The following DNM1 variants were observed in gnomAD, a reference collection of about 807,000 sequenced individuals.
DNM1 encodes dynamin-1.
DNM1 carries 29 observed loss-of-function variants against 104.6 expected under a neutral mutation model. The ratio of observed to expected loss-of-function variants is 0.28; its 90% CI spans 0.21 to 0.38. The LOEUF (loss-of-function observed/expected upper bound fraction) is 0.38. DNM1 is among the 10% of genes least tolerant of loss of function. The pLI, the probability that DNM1 is intolerant of heterozygous loss-of-function variation, is 1.00. For synonymous variants in DNM1, 445 were observed against 475.8 expected (o/e 0.94, Z 0.84); for missense variants, 640 against 1,189.4 (o/e 0.54, Z 6.79).
At chr9:128,239,893 G>A in intron 13 of DNM1, 92 bp from the exon 14 acceptor site, 2 of 1,582,140 alleles carry the variant, frequency 1.3e-6, no homozygotes, top group South Asian at 1.1e-5. Flanking sequence ...GGACCTGTCA[G>A]CTGCCAGCCA....
At chr9:128,251,418 A>T in intron 21 of DNM1, 1 of 284,290 alleles carries the variant, frequency 3.5e-6, no homozygotes, top group Non-Finnish European at 7.1e-6. Flanking sequence ...CCCAGCCCTG[A>T]CTCCTTTGAG....
intron 15 of DNM1, 143 bp downstream of exon 15, chr9:128,242,488 G>A (rs1836430261): frequency 5.2e-6 from 3 of 575,718 alleles, no homozygotes; most frequent in African/African-American, 1.9e-5. Context: ...GGCTGGGTGT[G>A]GTGGCTCACA....
Position 128,218,189 on chromosome 9 carries a change from C to T in DNM1, c.162-42C>T, listed in dbSNP as rs1289560697. On this transcript the variant is annotated intron_variant, in intron 1 of 21. Coordinates refer to ENST00000372923, the MANE Select transcript of DNM1 (RefSeq NM_004408.4). The surrounding 1 kb of genome is among the most constrained non-coding windows in gnomAD (Gnocchi z 4.8). The stretch of plus-strand genomic sequence containing the variant: ...AGGTACCCCTGGGACAGAGGGCGCC[C>T]CCTCATATCTTGACCCTCCTTTGAC... 2.5e-6 allele frequency: 4 copies of T among 1,598,908 alleles called. No individual in the cohort carries two copies. The Admixed American group carries it at 6.7e-5, about 27-fold the overall frequency.
chr9:128,230,873 G>A (rs1161359799), intron 10 of DNM1, among the ~76,000 whole-genome samples: 1 of 152,112 alleles, frequency 6.6e-6, no homozygotes, highest in Non-Finnish European at 1.5e-5. Flanking sequence ...CACGATCTCG[G>A]CTCACTGCAA....
In DNM1 at chr9:128,245,987, C is replaced by A. The variant is rs182909156; in HGVS notation, c.1672-407C>A. Among the ~76,000 whole-genome samples, 2 of 152,224 alleles carry A rather than the reference C, an allele frequency of 1.3e-5. No individual in the cohort carries two copies. Among genetic ancestry groups the A allele is most frequent in the African/African-American group, 2.4e-5 (1 of 41,454 alleles). On this transcript the variant is annotated intron_variant, in intron 15 of 21. Transcript: ENST00000372923. The surrounding 1 kb of genome is among the most constrained non-coding windows in gnomAD (Gnocchi z 5.2). ...GGCTGAGCCGGCCCTTTGAAGCCGC[C>A]GGGTCTGGTGGCCCCCCTTCCTGGT...
intron 11 of DNM1, 84 bp downstream of exon 11, chr9:128,234,191 T>G: frequency 8.8e-7 from 1 of 1,141,944 alleles, no homozygotes; most frequent in Non-Finnish European, 1.2e-6. Flanking sequence ...CTGGGGTTGC[T>G]TCCTTCTTGT....
rs1399297380 is a variant in DNM1 at position 128,218,299 on chromosome 9, C to A, written c.230C>A (p.Thr77Asn). The change falls in exon 2 of 22, where the codon ACC (threonine) becomes AAC (asparagine). Residue 77 changes from threonine (T) to asparagine (N), a missense_variant. Transcript: ENST00000372923. This position sits in a 1 kb window ranked among gnomAD's most constrained non-coding sequence, Gnocchi z 4.8. ...CTGGTCTTGCAGCTGGTCAATGCAA[C>A]CACAGGTACGTGCCCTCCTTCACCA... is the stretch of plus-strand genomic sequence containing the variant. ...RPLVLQLVNA[T>N]TEYAEFLHCK... 6.2e-7 allele frequency: 1 copy of A among 1,614,010 alleles called. No homozygotes were observed. Among genetic ancestry groups the A allele is most frequent in the Non-Finnish European group, 8.5e-7 (1 of 1,180,002 alleles).
At chr9:128,226,012 C>G (rs748905981) in intron 10 of DNM1, 2 of 1,611,630 alleles carry the variant, frequency 1.2e-6, no homozygotes, top group Admixed American at 3.3e-5. Flanking sequence ...CTCCTCCTGT[C>G]CCCACCTCCT....
At chr9:128,225,161 G>A (rs970866157) in intron 10 of DNM1, among the ~76,000 whole-genome samples, 2 of 152,078 alleles carry the variant, frequency 1.3e-5, no homozygotes, top group African/African-American at 2.4e-5. Context: ...TTGAAGCCAC[G>A]GCTCTGGACT....
At position 128,218,132 on chromosome 9, in the gene DNM1, GGAA is replaced by G. The variant is rs1834723959; in HGVS notation, c.162-97_162-95del. 1 of 1,154,134 alleles carries G rather than the reference GGAA, an allele frequency of 8.7e-7. No homozygotes were observed. Among genetic ancestry groups the G allele is most frequent in the African/African-American group, 1.5e-5 (1 of 65,932 alleles). 71.5% of individuals were successfully genotyped at this position (1,154,134 alleles called of 1,614,324 possible). ...TAAGGAGCGGTGGAGCCAGCACTTTGGAAGGAGCTTTGGCTTTCCCAGGGGCCG... is the reference window on the plus strand; with the variant it reads ...TAAGGAGCGGTGGAGCCAGCACTTTGGGAGCTTTGGCTTTCCCAGGGGCCG... On this transcript the variant is annotated intron_variant, in intron 1 of 21. Coordinates refer to ENST00000372923, the MANE Select transcript of DNM1 (RefSeq NM_004408.4). The surrounding 1 kb of genome is among the most constrained non-coding windows in gnomAD (Gnocchi z 4.8).
chr9:128,225,513 T>G (rs904773266), intron 10 of DNM1, among the ~76,000 whole-genome samples: 2 of 152,120 alleles, frequency 1.3e-5, no homozygotes, highest in African/African-American at 4.8e-5. Context: ...AGATAGGGAA[T>G]GGTACTGAGG....
Position 128,246,444 on chromosome 9 carries a change from C to T in DNM1, c.1722C>T (p.Asp574=), listed in dbSNP as rs1404706727. Reference sequence around the variant, plus strand: ...CTGTGGACAACCTCAAGCTGCGGGACGTGGAGAAGGGCTTTATGTCGAGCA... The same window carrying T: ...CTGTGGACAACCTCAAGCTGCGGGATGTGGAGAAGGGCTTTATGTCGAGCA... The part of the protein sequence containing the change: ...MLSVDNLKLR[D]VEKGFMSSKH... The change falls in exon 16 of 22, where the codon GAC becomes GAT. Residue 574 remains aspartate, a synonymous_variant. Coordinates refer to ENST00000372923, the MANE Select transcript of DNM1 (RefSeq NM_004408.4). 1.1e-5 allele frequency: 17 copies of T among 1,613,978 alleles called. No homozygotes were observed. The highest frequency in any genetic ancestry group is 1.7e-5 in the Admixed American group (1 of 59,994).
chr9:128,229,991 G>A (rs1367882711), intron 10 of DNM1, among the ~76,000 whole-genome samples: 1 of 151,746 alleles, frequency 6.6e-6, no homozygotes, highest in Non-Finnish European at 1.5e-5. Context: ...AGGCTGAGGC[G>A]AGTGGATCAC....
At chr9:128,204,657 T>C (rs1056586257) in intron 1 of DNM1, among the ~76,000 whole-genome samples, 1 of 152,022 alleles carries the variant, frequency 6.6e-6, no homozygotes, top group African/African-American at 2.4e-5. Flanking sequence ...GCTCTCCAGG[T>C]ACTGGAGGTG....
At chr9:128,215,910 A>T (rs1181139227) in intron 1 of DNM1, among the ~76,000 whole-genome samples, 1 of 148,384 alleles carries the variant, frequency 6.7e-6, no homozygotes, top group East Asian at 2.0e-4. Flanking sequence ...CCCAGCTTCT[A>T]TGAGAACAGC....
chr9:128,226,136 G>A (rs1333989754), intron 10 of DNM1: 4 of 1,612,782 alleles, frequency 2.5e-6, no homozygotes, highest in Non-Finnish European at 3.4e-6. Context: ...ATGGTAGTCA[G>A]TGAGCTCACA....
At chr9:128,216,786 G>C (rs1834632809) in intron 1 of DNM1, among the ~76,000 whole-genome samples, 1 of 152,178 alleles carries the variant, frequency 6.6e-6, no homozygotes, top group Non-Finnish European at 1.5e-5. Context: ...TCTGGGCTGG[G>C]AGCAAGAGAC....
chr9:128,224,417 A>C lies in DNM1; in HGVS notation c.1335+28A>C, dbSNP rs117066897. ...AACCCGGAGGCCCGGGCCAGCCCCC[A>C]CCGCCTCTGCCCCGCCCTGCACTGC... On this transcript the variant is annotated intron_variant, in intron 10 of 21. Transcript: ENST00000372923. This position sits in a 1 kb window ranked among gnomAD's most constrained non-coding sequence, Gnocchi z 4.3. 1 of 1,596,312 alleles carries C rather than the reference A, an allele frequency of 6.3e-7. No homozygotes were observed. Among genetic ancestry groups the C allele is most frequent in the Non-Finnish European group, 8.5e-7 (1 of 1,169,688 alleles).
At chr9:128,233,788 C>T in intron 10 of DNM1, 1 of 566,648 alleles carries the variant, frequency 1.8e-6, no homozygotes, top group Non-Finnish European at 3.1e-6. Flanking sequence ...TGAAGAGGGC[C>T]CGGAACCAGG....
Sources: gnomAD v4.1 joint callset for allele counts (sites outside exome capture counted in the v4.1 genomes callset) on GRCh38, gnomAD v4.1.1 for gene constraint, Gnocchi (gnomAD v3.1) non-coding constraint, MANE v1.5 for transcripts, NCBI Gene and HGNC (gene_info 2026-07-23, HGNC 2026-07-21) for gene names.